The following TTC21B variants were observed in gnomAD, a reference collection of about 807,000 sequenced individuals.
TTC21B encodes the protein tetratricopeptide repeat protein 21B.
TTC21B carries 127 observed loss-of-function variants against 175.1 expected under a neutral mutation model. That is an observed-to-expected ratio of 0.73 (90% CI 0.63 to 0.84). The LOEUF is 0.84. Ranked by LOEUF, TTC21B falls within the 40% of genes least tolerant of loss-of-function variation. The probability of loss-of-function intolerance (pLI) is 0.00; values close to 1 mark genes in which losing one functional copy is unlikely to be tolerated. For missense variants in TTC21B, 1,561 were observed against 1,558.3 expected (o/e 1.00, Z -0.03); for synonymous variants, 524 against 524.5 (o/e 1.00, Z 0.01).
At chr2:165,926,261 A>G (rs1686624988) in intron 11 of TTC21B, among the ~76,000 whole-genome samples, 1 of 152,196 alleles carries the variant, frequency 6.6e-6, no homozygotes, top group Non-Finnish European at 1.5e-5. Flanking sequence ...TTCTTGTTCT[A>G]TCTACAGTTT....
At chr2:165,923,684 C>T (rs999371662) in intron 12 of TTC21B, among the ~76,000 whole-genome samples, 2 of 151,286 alleles carry the variant, frequency 1.3e-5, no homozygotes, top group Non-Finnish European at 2.9e-5. Context: ...CCTCGTGATC[C>T]ACCTGTCTGG....
intron 3 of TTC21B, chr2:165,949,089 CT>C: frequency 2.8e-6 from 1 of 360,352 alleles, no homozygotes. Context: ...CATACGGTAC[CT>C]GTTTCTTTGG....
Position 165,909,833 on chromosome 2 carries a change from A to G in TTC21B, c.2461+1494T>C, listed in dbSNP as rs80102765. On this transcript the variant is annotated intron_variant, in intron 18 of 28. Coordinates refer to ENST00000243344, the MANE Select transcript of TTC21B (RefSeq NM_024753.5). Reference sequence around the variant, plus strand: ...AATACTCTACATATGCTAAAAAATAAAGAAGAGCTATATTTCTAACAAGGA... The same window carrying G: ...AATACTCTACATATGCTAAAAAATAGAGAAGAGCTATATTTCTAACAAGGA... Among the ~76,000 whole-genome samples, 1,278 of 152,356 alleles carry G rather than the reference A, an allele frequency of 8.4e-3. 18 individuals are homozygous for G. Among genetic ancestry groups the G allele is most frequent in the African/African-American group, 0.029 (1,213 of 41,596 alleles).
At position 165,953,725 on chromosome 2, in the gene TTC21B, C is replaced by A; in HGVS notation, c.-20G>T. ...GTCCATGGCTGCCCCGAGGCCGGGC[C>A]GCGGGGCTCTGGGGATTGTCTCGCC... On this transcript the variant is annotated 5_prime_UTR_variant, in exon 1 of 29. Transcript: ENST00000243344. 1.3e-6 allele frequency: 2 copies of A among 1,545,812 alleles called. No individual in the cohort carries two copies. Among genetic ancestry groups the A allele is most frequent in the Non-Finnish European group, 1.7e-6 (2 of 1,146,256 alleles).
intron 19 of TTC21B, among the ~76,000 whole-genome samples, chr2:165,905,204 C>A (rs370324728): frequency 6.6e-6 from 1 of 150,472 alleles, no homozygotes; most frequent in Non-Finnish European, 1.5e-5. Flanking sequence ...TAGCTAACAC[C>A]GAAAAATAAT....
At chr2:165,912,006 C>A (rs954706651) in intron 17 of TTC21B, among the ~76,000 whole-genome samples, 1 of 152,026 alleles carries the variant, frequency 6.6e-6, no homozygotes, top group African/African-American at 2.4e-5. Context: ...AAGAACGGTA[C>A]TTGGCAAAGA....
At chr2:165,921,149 T>C (rs1389215074) in intron 12 of TTC21B, among the ~76,000 whole-genome samples, 5 of 152,174 alleles carry the variant, frequency 3.3e-5, no homozygotes, top group Non-Finnish European at 7.4e-5. Context: ...GAATGGGGGC[T>C]AGCTGTGCCA....
intron 16 of TTC21B, among the ~76,000 whole-genome samples, chr2:165,912,880 G>A (rs1354502785): frequency 6.6e-6 from 1 of 152,152 alleles, no homozygotes; most frequent in East Asian, 1.9e-4. Context: ...TGTGGACTAA[G>A]AGACACCATC....
intron 27 of TTC21B, among the ~76,000 whole-genome samples, chr2:165,877,488 T>C (rs1684703995): frequency 6.6e-6 from 1 of 152,186 alleles, no homozygotes; most frequent in African/African-American, 2.4e-5. Context: ...ACATTGCTTA[T>C]AGCATTCATG....
intron 12 of TTC21B, among the ~76,000 whole-genome samples, chr2:165,923,110 G>A (rs1686477893): frequency 6.6e-6 from 1 of 152,062 alleles, no homozygotes; most frequent in Non-Finnish European, 1.5e-5. Context: ...GAGGGTGTGG[G>A]ATAGAAAGCT....
chr2:165,935,029 G>A (rs537237424), intron 6 of TTC21B, among the ~76,000 whole-genome samples: 20 of 152,248 alleles, frequency 1.3e-4, no homozygotes, highest in Non-Finnish European at 2.4e-4. Context: ...CCATTTCTGG[G>A]CCTGGGCTTT....
intron 1 of TTC21B, among the ~76,000 whole-genome samples, chr2:165,952,501 G>A (rs377663145): frequency 3.6e-4 from 55 of 152,328 alleles, no homozygotes; most frequent in African/African-American, 1.2e-3. Flanking sequence ...TGAGGTTGGA[G>A]ACGAAGGTGG....
Position 165,929,650 on chromosome 2 carries a change from C to G in TTC21B, c.1185G>C (p.Ala395=), listed in dbSNP as rs747042147. The part of the protein sequence containing the change: ...NEIQQSIGKS[A]ELIYLHAVLA... ...CAGCTGATAAAATAAAATACTGTAC[C>G]GCAGATTTTCCAATGGATTGCTGGA... The change falls in exon 10 of 29, where the codon GCG becomes GCC. Residue 395 remains alanine, a splice_region_variant and synonymous_variant. Coordinates refer to ENST00000243344, the MANE Select transcript of TTC21B (RefSeq NM_024753.5). 1.2e-6 allele frequency: 2 copies of G among 1,603,946 alleles called. No homozygotes were observed. Among genetic ancestry groups the G allele is most frequent in the Non-Finnish European group, 1.7e-6 (2 of 1,171,522 alleles).
intron 17 of TTC21B, 92 bp downstream of exon 17, chr2:165,912,422 T>A (rs1181499891): frequency 7.1e-6 from 7 of 985,540 alleles, no homozygotes; most frequent in Non-Finnish European, 1.1e-5. Context: ...TTACAACCAT[T>A]AAAGATGCAA....
Position 165,890,612 on chromosome 2 carries a change from G to A in TTC21B, c.3130C>T (p.Arg1044Ter), listed in dbSNP as rs202239983. The change falls in exon 24 of 29, where the codon CGA becomes TGA. Residue 1044 changes from arginine to a stop codon, truncating the protein, a stop_gained. Coordinates refer to ENST00000243344, the MANE Select transcript of TTC21B (RefSeq NM_024753.5). LOFTEE classifies it high-confidence loss of function. ...TCTTTCCGAGCTTTATTAAAATGTC[G>A]AAGGGCATCATTTGGTTCTCCAGTG... ...WYTGEPNDAL[R>*]HFNKARKDRD... The A allele has an allele frequency of 1.2e-5, 19 of 1,613,678 alleles. No individual in the cohort carries two copies. Among genetic ancestry groups the A allele is most frequent in the South Asian group, 8.8e-5 (8 of 91,064 alleles).
intron 27 of TTC21B, 119 bp downstream of exon 27, chr2:165,880,560 G>A: frequency 1.9e-6 from 2 of 1,058,428 alleles, no homozygotes. Flanking sequence ...CAGAAAGGTT[G>A]ACAATGAAAA....
At position 165,938,164 on chromosome 2, in the gene TTC21B, TA is replaced by T. The variant is rs1366603338; in HGVS notation, c.710+2862del. Among the ~76,000 whole-genome samples the T allele has an allele frequency of 2.0e-5, 3 of 152,084 alleles. No homozygotes were observed. The East Asian group carries it at 5.8e-4, about 29-fold the overall frequency. ...TGTAAAACAAACAAACCTGAGCCAC[TA>T]ATCAATTACCAATGAAGGATGCTAA... On this transcript the variant is annotated intron_variant, in intron 6 of 28. Transcript: ENST00000243344.
intron 15 of TTC21B, 98 bp downstream of exon 15, chr2:165,915,103 G>T: frequency 1.0e-6 from 1 of 975,536 alleles, no homozygotes; most frequent in Non-Finnish European, 1.6e-6. Flanking sequence ...GATCTGTAAA[G>T]TATTTGTGAA....
intron 22 of TTC21B, among the ~76,000 whole-genome samples, chr2:165,896,055 C>T (rs1685351246): frequency 6.6e-6 from 1 of 152,104 alleles, no homozygotes; most frequent in South Asian, 2.1e-4. Flanking sequence ...TAGAGGTAGC[C>T]TGCAGAGCAT....
Sources: allele counts gnomAD v4.1 joint callset (sites outside exome capture counted in the v4.1 genomes callset), GRCh38; gene constraint gnomAD v4.1.1; transcripts MANE v1.5; gene names NCBI Gene and HGNC (gene_info 2026-07-23, HGNC 2026-07-21).